The following MMP14 variants were observed in gnomAD, a reference collection of about 807,000 sequenced individuals.
The protein encoded by MMP14 is matrix metalloproteinase-14.
In MMP14, 13 loss-of-function variants were observed where a neutral mutation model predicts 64.8. The ratio of observed to expected loss-of-function variants is 0.20; its 90% CI spans 0.13 to 0.32. The LOEUF is 0.32. Ranked by LOEUF, MMP14 falls within the 10% of genes least tolerant of loss-of-function variation. The pLI is 1.00. For missense variants in MMP14, 594 were observed against 783.8 expected, an observed-to-expected ratio of 0.76 and a Z score of 2.89; for synonymous variants, 322 against 315.9, an observed-to-expected ratio of 1.02 and a Z score of -0.20.
In MMP14 at chr14:22,843,619, A is replaced by ACCTTTCCAAGGGTATTGTCTGC; in HGVS notation, c.851-88_851-67dup. The ACCTTTCCAAGGGTATTGTCTGC allele has an allele frequency of 6.8e-7, 1 of 1,470,706 alleles. No homozygotes were observed. Among genetic ancestry groups the ACCTTTCCAAGGGTATTGTCTGC allele is most frequent in the Non-Finnish European group, 9.2e-7 (1 of 1,087,940 alleles). The allele number at this position is 1,470,706 out of a possible 1,614,324, so 91.1% of individuals were successfully genotyped here. Reference sequence around the variant, plus strand: ...CAGCCTCCCCTAGAAGCCCATCCACACCTTTCCAAGGGTATTGTCTGCCCA... The same window carrying ACCTTTCCAAGGGTATTGTCTGC: ...CAGCCTCCCCTAGAAGCCCATCCACACCTTTCCAAGGGTATTGTCTGCCCTTTCCAAGGGTATTGTCTGCCCA... On this transcript the variant is annotated intron_variant, in intron 5 of 9. Coordinates refer to ENST00000311852, the MANE Select transcript of MMP14 (RefSeq NM_004995.4). The surrounding 1 kb of genome is among the most constrained non-coding windows in gnomAD (Gnocchi z 4.8).
intron 1 of MMP14, among the ~76,000 whole-genome samples, chr14:22,839,800 C>T (rs751238474): frequency 1.3e-5 from 2 of 151,996 alleles, no homozygotes; most frequent in African/African-American, 2.4e-5. Context: ...GCAGCCTCCC[C>T]CATCTCCCCT....
rs1002980320 is a variant in MMP14, at chr14:22,847,664, C to A, written c.*1625C>A. ...GGGGTGGGGGGGCAGAGGCGTCTGA[C>A]CCCAGGAACCTGCAGGGCGGGGCTG... On this transcript the variant is annotated 3_prime_UTR_variant, in exon 10 of 10. Coordinates refer to ENST00000311852, the MANE Select transcript of MMP14 (RefSeq NM_004995.4). 6.6e-6 allele frequency: 1 copy of A among 151,738 alleles called. No homozygotes were observed. The highest frequency in any genetic ancestry group is 6.6e-5 in the Admixed American group (1 of 15,230). 9.4% of individuals were successfully genotyped at this position (151,738 alleles called of 1,614,324 possible).
intron 1 of MMP14, chr14:22,837,243 C>G (rs570982420): frequency 5.6e-5 from 31 of 550,168 alleles, no homozygotes; most frequent in South Asian, 4.3e-4. Flanking sequence ...GGGCTCTGCT[C>G]TCAGCTCTGG....
At chr14:22,837,365 C>A in intron 1 of MMP14, 1 of 456,720 alleles carries the variant, frequency 2.2e-6, no homozygotes, top group South Asian at 1.5e-5. Context: ...CGCTCTCCCG[C>A]CGGCGCGCCC....
intron 1 of MMP14, 136 bp from the exon 2 acceptor site, chr14:22,841,355 C>A: frequency 8.8e-7 from 1 of 1,141,464 alleles, no homozygotes; most frequent in South Asian, 1.5e-5. Flanking sequence ...TCCTCCAGAC[C>A]TGCTGCCGGA....
At position 22,842,151 on chromosome 14, in the gene MMP14, C is replaced by T. The variant is rs781566920; in HGVS notation, c.380+116C>T. The T allele has an allele frequency of 9.8e-6, 14 of 1,427,778 alleles. No homozygotes were observed. Among genetic ancestry groups the T allele is most frequent in the African/African-American group, 1.4e-5 (1 of 71,122 alleles). 88.4% of individuals were successfully genotyped at this position (1,427,778 alleles called of 1,614,324 possible). A position where few individuals can be genotyped will look rare whatever the true frequency, so the allele number is the denominator to read the frequency against. On this transcript the variant is annotated intron_variant, in intron 3 of 9. Coordinates refer to ENST00000311852, the MANE Select transcript of MMP14 (RefSeq NM_004995.4). This position sits in a 1 kb window ranked among gnomAD's most constrained non-coding sequence, Gnocchi z 5.3. ...ACTCCCCTCAGTTCCTGGGAAGCAT[C>T]CGTGGGAGTGGGGAGGAAAATGGCT... is the stretch of plus-strand genomic sequence containing the variant.
At position 22,838,856 on chromosome 14, in the gene MMP14, G is replaced by A. The variant is rs536080776; in HGVS notation, c.108+1931G>A. ...AGGAGAGAAACTTGCCTAGGCCTGG[G>A]GGGAGGAGAGGGATGGGGGCACTTC... On this transcript the variant is annotated intron_variant, in intron 1 of 9. Transcript: ENST00000311852. Among the ~76,000 whole-genome samples, 17 of 152,300 alleles carry A rather than the reference G, an allele frequency of 1.1e-4. No homozygotes were observed. The South Asian group carries it at 3.1e-3, about 28-fold the overall frequency.
Position 22,842,590 on chromosome 14 carries a change from C to G in MMP14, c.561C>G (p.Gly187=). ...TCTTCTTTGCCGAGGGCTTCCATGG[C>G]GACAGCACGCCCTTCGATGGTGAGG... The part of the protein sequence containing the change: ...IMIFFAEGFH[G]DSTPFDGEGG... Residue 187 remains glycine, a synonymous_variant, in exon 4 of 10, where the codon GGC becomes GGG. Transcript: ENST00000311852. This position sits in a 1 kb window ranked among gnomAD's most constrained non-coding sequence, Gnocchi z 5.3. 1.2e-6 allele frequency: 2 copies of G among 1,614,214 alleles called. No individual in the cohort carries two copies. Among genetic ancestry groups the G allele is most frequent in the Non-Finnish European group, 1.7e-6 (2 of 1,180,034 alleles).
In MMP14 at chr14:22,841,629, G is replaced by C; in HGVS notation, c.247G>C (p.Asp83His). The C allele has an allele frequency of 6.2e-7, 1 of 1,613,998 alleles. No homozygotes were observed. ...GLQVTGKADA[D>H]TMKAMRRPRC... ...GCAAGTAACAGGCAAAGCTGATGCAGACACCATGAAGTAAGTGCTAGACCC... is the reference window on the plus strand; with the variant it reads ...GCAAGTAACAGGCAAAGCTGATGCACACACCATGAAGTAAGTGCTAGACCC... Residue 83 changes from aspartate to histidine, a missense_variant, in exon 2 of 10, where the codon GAC becomes CAC. By Grantham distance (81) the Asp-to-His change is moderately conservative. Transcript: ENST00000311852.
chr14:22,845,826 C>T lies in MMP14; in HGVS notation c.1536C>T (p.Gly512=). 6.2e-7 allele frequency: 1 copy of T among 1,614,164 alleles called. No homozygotes were observed. Among genetic ancestry groups the T allele is most frequent in the Non-Finnish European group, 8.5e-7 (1 of 1,180,046 alleles). The change falls in exon 10 of 10, where the codon GGC becomes GGT. Residue 512 remains glycine, a synonymous_variant. Coordinates refer to ENST00000311852, the MANE Select transcript of MMP14 (RefSeq NM_004995.4). ...ACTGGATGGGCTGCCCATCGGGAGGCCGGCCGGATGAGGGGACTGAGGAGG... is the reference window on the plus strand; with the variant it reads ...ACTGGATGGGCTGCCCATCGGGAGGTCGGCCGGATGAGGGGACTGAGGAGG... The part of the protein sequence containing the change: ...LRDWMGCPSG[G]RPDEGTEEET...
intron 1 of MMP14, among the ~76,000 whole-genome samples, chr14:22,838,062 C>A (rs2269213): frequency 0.088 from 13,407 of 152,220 alleles, 776 homozygotes; most frequent in East Asian, 0.22. Flanking sequence ...CTTCTCTCTG[C>A]GTCCCTGAAA....
intron 6 of MMP14, 60 bp from the exon 7 acceptor site, chr14:22,844,311 T>C: frequency 6.3e-7 from 1 of 1,599,168 alleles, no homozygotes; most frequent in Non-Finnish European, 8.5e-7. Flanking sequence ...CTTTGGGGAC[T>C]GAACCAGAGA....
At position 22,843,510 on chromosome 14, in the gene MMP14, G is replaced by C; in HGVS notation, c.850+92G>C. Reference sequence around the variant, plus strand: ...CCCTCTTTTATGCCTTGCAGTCTCCGCACCGCCCCCTGCCAACCTGCCCCT... The same window carrying C: ...CCCTCTTTTATGCCTTGCAGTCTCCCCACCGCCCCCTGCCAACCTGCCCCT... On this transcript the variant is annotated intron_variant, in intron 5 of 9. Coordinates refer to ENST00000311852, the MANE Select transcript of MMP14 (RefSeq NM_004995.4). This position sits in a 1 kb window ranked among gnomAD's most constrained non-coding sequence, Gnocchi z 4.8. 2 of 1,485,000 alleles carry C rather than the reference G, an allele frequency of 1.3e-6. No homozygotes were observed. Among genetic ancestry groups the C allele is most frequent in the South Asian group, 2.5e-5 (2 of 79,396 alleles). The allele number at this position is 1,485,000 out of a possible 1,614,324, so 92.0% of individuals were successfully genotyped here.
rs928120548 is a variant in MMP14, at chr14:22,837,468, C to G, written c.108+543C>G. The G allele has an allele frequency of 3.3e-5, 15 of 451,326 alleles. 1 individual carries two copies. The highest frequency in any genetic ancestry group is 3.0e-4 in the African/African-American group (15 of 49,938). 28.0% of individuals were successfully genotyped at this position (451,326 alleles called of 1,614,324 possible). On this transcript the variant is annotated intron_variant, in intron 1 of 9. Coordinates refer to ENST00000311852, the MANE Select transcript of MMP14 (RefSeq NM_004995.4). ...GGTCGAGGGTGGACGGCCGAGCGTC[C>G]AGGGCCACAGCCCCCGTCTCCCCGA... is the stretch of plus-strand genomic sequence containing the variant.
In MMP14 at chr14:22,843,795, C is replaced by T; in HGVS notation, c.936C>T (p.Pro312=). 6.2e-7 allele frequency: 1 copy of T among 1,613,784 alleles called. No homozygotes were observed. The highest frequency in any genetic ancestry group is 1.3e-5 in the African/African-American group (1 of 75,006). Residue 312 remains proline, a synonymous_variant, in exon 6 of 10, where the codon CCC becomes CCT. Transcript: ENST00000311852. The surrounding 1 kb of genome is among the most constrained non-coding windows in gnomAD (Gnocchi z 4.8). ...RPSVPDKPKN[P]TYGPNICDGN... is the part of the protein sequence containing the mutation. Reference sequence around the variant, plus strand: ...CTGTTCCTGATAAACCCAAAAACCCCACCTATGGGCCCAACATCTGTGACG... The same window carrying T: ...CTGTTCCTGATAAACCCAAAAACCCTACCTATGGGCCCAACATCTGTGACG...
At chr14:22,845,093 C>T (rs1272739138) in intron 8 of MMP14, among the ~76,000 whole-genome samples, 158 bp from the exon 9 acceptor site, 1 of 152,184 alleles carries the variant, frequency 6.6e-6, no homozygotes, top group African/African-American at 2.4e-5. Flanking sequence ...TCCACCCCCA[C>T]CTTCCGCCGC....
In MMP14 at chr14:22,845,337, C is replaced by G; in HGVS notation, c.1388C>G (p.Pro463Arg). 1 of 1,612,030 alleles carries G rather than the reference C, an allele frequency of 6.2e-7. No homozygotes were observed. The highest frequency in any genetic ancestry group is 8.5e-7 in the Non-Finnish European group (1 of 1,178,960). ...GTCTGGGAAGGGATCCCTGAGTCTC[C>G]CAGAGGGTCATTCATGGGCAGCGAT... ...IKVWEGIPES[P>R]RGSFMGSDEV... The change falls in exon 9 of 10, where the codon CCC becomes CGC. Residue 463 changes from proline to arginine, a missense_variant. Transcript: ENST00000311852.
chr14:22,844,905 C>G lies in MMP14; in HGVS notation c.1301+125C>G, dbSNP rs985410889. On this transcript the variant is annotated intron_variant, in intron 8 of 9. Coordinates refer to ENST00000311852, the MANE Select transcript of MMP14 (RefSeq NM_004995.4). The stretch of plus-strand genomic sequence containing the variant: ...TTCCCTGGAGAAGGAGCTGGCTGAG[C>G]CTCTGCTGTTGCCTAGAAATGGGCA... 3.7e-6 allele frequency: 5 copies of G among 1,351,434 alleles called. No individual in the cohort carries two copies. The Admixed American group carries it at 5.8e-5, about 16-fold the overall frequency. 83.7% of individuals were successfully genotyped at this position (1,351,434 alleles called of 1,614,324 possible). A position where few individuals can be genotyped will look rare whatever the true frequency, so the allele number is the denominator to read the frequency against.
chr14:22,844,602 C>G, intron 7 of MMP14, 28 bp from the exon 8 acceptor site: 1 of 1,613,910 alleles, frequency 6.2e-7, no homozygotes, highest in Non-Finnish European at 8.5e-7. Flanking sequence ...TAAGTTGAAC[C>G]CAGACGTTGC....
Sources: gnomAD v4.1 joint callset for allele counts (sites outside exome capture counted in the v4.1 genomes callset) on GRCh38, gnomAD v4.1.1 for gene constraint, Gnocchi (gnomAD v3.1) non-coding constraint, MANE v1.5 for transcripts, NCBI Gene and HGNC (gene_info 2026-07-23, HGNC 2026-07-21) for gene names.